The following RNGTT variants were observed in gnomAD, a reference collection of about 807,000 sequenced individuals.
RNGTT encodes the protein RNA guanylyltransferase and 5'-phosphatase.
Under a neutral mutation model 79.3 loss-of-function variants are expected in RNGTT, and 33 were observed. The ratio of observed to expected loss-of-function variants is 0.42; its 90% confidence interval spans 0.32 to 0.56. RNGTT has a LOEUF of 0.56. RNGTT is among the 20% of genes least tolerant of loss of function. RNGTT has a pLI of 0.17. For missense variants in RNGTT, 497 were observed against 739.1 expected, an observed-to-expected ratio of 0.67 and a Z score of 3.80; for synonymous variants, 222 against 235.9, an observed-to-expected ratio of 0.94 and a Z score of 0.54.
At chr6:88,883,170 CA>C (rs976114373) in intron 8 of RNGTT, among the ~76,000 whole-genome samples, 6,671 of 68,786 alleles carry the variant, frequency 0.097, 149 homozygotes, top group African/African-American at 0.18. Context: ...CTCTTTATGA[CA>C]AAAAAAAAAA....
intron 6 of RNGTT, among the ~76,000 whole-genome samples, chr6:88,903,192 C>T (rs1171490061): frequency 6.6e-6 from 1 of 152,138 alleles, no homozygotes; most frequent in Non-Finnish European, 1.5e-5. Context: ...AAGGCAAAAA[C>T]TGTTGCCTGA....
intron 14 of RNGTT, among the ~76,000 whole-genome samples, chr6:88,627,410 A>C (rs1772674305): frequency 1.3e-5 from 2 of 152,072 alleles, no homozygotes; most frequent in South Asian, 4.1e-4. Flanking sequence ...TTTGGATCCA[A>C]TAGTGTTCTC....
chr6:88,764,285 T>C (rs1778371450), intron 13 of RNGTT, among the ~76,000 whole-genome samples: 1 of 152,204 alleles, frequency 6.6e-6, no homozygotes, highest in South Asian at 2.1e-4. Context: ...TGTGTTTCTG[T>C]TTTTAATTAA....
At chr6:88,668,881 T>C (rs946380181) in intron 14 of RNGTT, among the ~76,000 whole-genome samples, 2 of 152,088 alleles carry the variant, frequency 1.3e-5, no homozygotes, top group African/African-American at 4.8e-5. Context: ...AAAAAAGCTA[T>C]ATATGGCAGA....
intron 13 of RNGTT, among the ~76,000 whole-genome samples, chr6:88,697,799 G>A (rs1775730851): frequency 6.7e-6 from 1 of 148,394 alleles, no homozygotes; most frequent in South Asian, 2.1e-4. Context: ...TGAGCCCAGG[G>A]GGCAGAGGTT....
chr6:88,775,152 G>A (rs1778834250), intron 12 of RNGTT, among the ~76,000 whole-genome samples: 1 of 152,064 alleles, frequency 6.6e-6, no homozygotes, highest in Non-Finnish European at 1.5e-5. Context: ...ATAACACAAT[G>A]TTTGATATAC....
intron 13 of RNGTT, among the ~76,000 whole-genome samples, chr6:88,746,465 T>C (rs1777661371): frequency 6.6e-6 from 1 of 152,206 alleles, no homozygotes. Context: ...TCAACCTTTT[T>C]GGCACCAGGA....
At chr6:88,712,986 C>A (rs2127808212) in intron 13 of RNGTT, among the ~76,000 whole-genome samples, 1 of 152,286 alleles carries the variant, frequency 6.6e-6, no homozygotes, top group Non-Finnish European at 1.5e-5. Flanking sequence ...ATCTAGAATT[C>A]AGGCCCTTAA....
intron 8 of RNGTT, among the ~76,000 whole-genome samples, chr6:88,884,271 G>A (rs994185143): frequency 1.3e-5 from 2 of 152,118 alleles, no homozygotes; most frequent in South Asian, 4.2e-4. Context: ...TAGGAGAGTC[G>A]TTGAATAAAC....
Position 88,775,574 on chromosome 6 carries a change from T to C in RNGTT, c.1339-5700A>G, listed in dbSNP as rs574672945. Among the ~76,000 whole-genome samples the C allele has an allele frequency of 3.7e-4, 56 of 152,332 alleles. No homozygotes were observed. The South Asian group carries it at 0.011, about 30-fold the overall frequency. On this transcript the variant is annotated intron_variant, in intron 12 of 15. Transcript: ENST00000369485. ...CCACAGAAGACGGTACAGTTAGAAC[T>C]GACAGAGTAATTTATATCTGTTTCA...
intron 1 of RNGTT, among the ~76,000 whole-genome samples, chr6:88,942,573 G>A (rs1784885374): frequency 1.3e-5 from 2 of 151,932 alleles, no homozygotes; most frequent in South Asian, 4.2e-4. Context: ...GTTTTGCCAT[G>A]TTGCCCAGGC....
rs557125032 is a variant in RNGTT at position 88,859,147 on chromosome 6, G to A, written c.897-5383C>T. On this transcript the variant is annotated intron_variant, in intron 8 of 15. Transcript: ENST00000369485. ...GCTGGGATTACCGGCATAAGTCACCGTACTCAGTCTGAAAATCTGTTTAAT... is the reference window on the plus strand; with the variant it reads ...GCTGGGATTACCGGCATAAGTCACCATACTCAGTCTGAAAATCTGTTTAAT... Among the ~76,000 whole-genome samples, 16 of 151,828 alleles carry A rather than the reference G, an allele frequency of 1.1e-4. No individual in the cohort carries two copies. In the South Asian group the frequency reaches 2.5e-3, roughly 24 times the overall value.
At chr6:88,616,099 C>T (rs115391297) in intron 14 of RNGTT, among the ~76,000 whole-genome samples, 1,965 of 152,272 alleles carry the variant, frequency 0.013, 13 homozygotes, top group Middle Eastern at 0.02. Flanking sequence ...CAGAATCACA[C>T]ACTATTTGTC....
chr6:88,760,509 A>T (rs1041276570), intron 13 of RNGTT, among the ~76,000 whole-genome samples: 6 of 152,198 alleles, frequency 3.9e-5, no homozygotes, highest in African/African-American at 1.4e-4. Flanking sequence ...AGCAGTTACT[A>T]TGGGTCATTT....
intron 8 of RNGTT, among the ~76,000 whole-genome samples, chr6:88,880,225 GGGAA>G (rs1782655420): frequency 6.6e-6 from 1 of 151,948 alleles, no homozygotes; most frequent in Non-Finnish European, 1.5e-5. Context: ...AAAGGAAGAA[GGGAA>G]GGAAGGGAGG....
chr6:88,816,899 C>T (rs1431913953), intron 11 of RNGTT, among the ~76,000 whole-genome samples: 2 of 151,998 alleles, frequency 1.3e-5, no homozygotes, highest in Non-Finnish European at 2.9e-5. Context: ...ACAGGGGGCA[C>T]ACAGGCTGGG....
intron 14 of RNGTT, among the ~76,000 whole-genome samples, chr6:88,656,079 G>T (rs1035130479): frequency 1.3e-5 from 2 of 151,908 alleles, no homozygotes; most frequent in Admixed American, 6.6e-5. Context: ...TAAGATAAAG[G>T]TATTATGAAA....
chr6:88,765,845 C>T (rs993694376), intron 13 of RNGTT, among the ~76,000 whole-genome samples: 9 of 152,128 alleles, frequency 5.9e-5, no homozygotes, highest in Admixed American at 3.3e-4. Flanking sequence ...TGTGCTCTTG[C>T]TCTCCAGGTG....
chr6:88,805,954 A>G (rs553543622), intron 11 of RNGTT, among the ~76,000 whole-genome samples: 2 of 152,308 alleles, frequency 1.3e-5, no homozygotes, highest in East Asian at 3.9e-4. Context: ...TCTTTGGAGC[A>G]CTGAAGATGT....
Sources: allele counts gnomAD v4.1 joint callset (sites outside exome capture counted in the v4.1 genomes callset), GRCh38; gene constraint gnomAD v4.1.1; transcripts MANE v1.5; gene names NCBI Gene and HGNC (gene_info 2026-07-23, HGNC 2026-07-21).